Variants in ARHGAP15 observed in about 807,000 individuals in gnomAD.
ARHGAP15 encodes rho GTPase-activating protein 15.
ARHGAP15 carries 51 observed loss-of-function variants against 63.7 expected under a neutral mutation model. The observed-to-expected ratio is 0.80, with a 90% CI of 0.64 to 1.01. The LOEUF (loss-of-function observed/expected upper bound fraction) is 1.01. ARHGAP15 is among the 50% of genes least tolerant of loss of function. The probability of loss-of-function intolerance (pLI) is 0.00; values close to 1 mark genes in which losing one functional copy is unlikely to be tolerated. For synonymous variants in ARHGAP15, 191 were observed against 193.8 expected, an observed-to-expected ratio of 0.99 and a Z score of 0.12; for missense variants, 560 against 564.6, an observed-to-expected ratio of 0.99 and a Z score of 0.08.
chr2:143,335,762 T>C (rs12691674), intron 6 of ARHGAP15, among the ~76,000 whole-genome samples: 19,953 of 151,970 alleles, frequency 0.13, 1,674 homozygotes, highest in Non-Finnish European at 0.17. Context: ...CATAGGTGCA[T>C]GTGGTAGGAG....
chr2:143,215,147 G>C (rs1677142296), intron 3 of ARHGAP15, among the ~76,000 whole-genome samples: 1 of 152,168 alleles, frequency 6.6e-6, no homozygotes, highest in African/African-American at 2.4e-5. Context: ...AACATGATCT[G>C]ATATGTGCTG....
At chr2:143,709,573 T>A (rs1460361654) in intron 13 of ARHGAP15, among the ~76,000 whole-genome samples, 1 of 152,022 alleles carries the variant, frequency 6.6e-6, no homozygotes, top group African/African-American at 2.4e-5. Context: ...AATAGACAAA[T>A]CTCATGGACT....
chr2:143,672,570 C>T (rs554586119), intron 12 of ARHGAP15, among the ~76,000 whole-genome samples: 4 of 152,064 alleles, frequency 2.6e-5, no homozygotes, highest in Non-Finnish European at 5.9e-5. Flanking sequence ...TAAACTGGTT[C>T]AATTTAATAA....
intron 11 of ARHGAP15, among the ~76,000 whole-genome samples, chr2:143,592,108 C>T (rs1559068894): frequency 2.6e-5 from 4 of 152,022 alleles, no homozygotes; most frequent in Admixed American, 1.3e-4. Flanking sequence ...CAGTAATTCC[C>T]TCATTTTTTT....
rs548309221 is a variant in ARHGAP15, at chr2:143,253,517, A to G, written c.474+2917A>G. 3.6e-4 allele frequency among the ~76,000 whole-genome samples: 55 copies of G among 152,238 alleles called. 1 individual carries two copies. In the South Asian group the frequency reaches 0.011, roughly 29 times the overall value. ...TATTTGATTGCTATGTGGAAACATA[A>G]CAATGACAACATTAATTATTAAGTT... On this transcript the variant is annotated intron_variant, in intron 6 of 13. Transcript: ENST00000295095.
At chr2:143,147,913 T>G (rs1243071657) in intron 1 of ARHGAP15, among the ~76,000 whole-genome samples, 1 of 152,108 alleles carries the variant, frequency 6.6e-6, no homozygotes, top group East Asian at 1.9e-4. Context: ...ATTTATTTTG[T>G]GGCCTCAGGG....
chr2:143,487,878 T>C (rs1215433670), intron 9 of ARHGAP15, among the ~76,000 whole-genome samples: 1 of 152,170 alleles, frequency 6.6e-6, no homozygotes, highest in African/African-American at 2.4e-5. Flanking sequence ...CTTTTCACTA[T>C]CAGAAATGTC....
intron 5 of ARHGAP15, among the ~76,000 whole-genome samples, chr2:143,244,459 G>A (rs1693971916): frequency 6.6e-6 from 1 of 152,170 alleles, no homozygotes; most frequent in African/African-American, 2.4e-5. Context: ...ACGGCAGATG[G>A]TAGGCAAGCA....
intron 13 of ARHGAP15, among the ~76,000 whole-genome samples, chr2:143,766,311 G>A (rs1476007124): frequency 2.0e-5 from 3 of 152,128 alleles, no homozygotes; most frequent in South Asian, 2.1e-4. Context: ...CAACCAGGAC[G>A]TAACTCCTCC....
intron 13 of ARHGAP15, among the ~76,000 whole-genome samples, chr2:143,742,211 G>A (rs1414275929): frequency 6.6e-6 from 1 of 152,208 alleles, no homozygotes; most frequent in Non-Finnish European, 1.5e-5. Flanking sequence ...AGCTAGGAAG[G>A]TAGACAACAA....
intron 1 of ARHGAP15, among the ~76,000 whole-genome samples, chr2:143,151,314 G>C (rs556481975): frequency 1.3e-5 from 2 of 152,060 alleles, no homozygotes; most frequent in Admixed American, 1.3e-4. Context: ...GCATCATACA[G>C]CTCTAGGAGG....
intron 6 of ARHGAP15, among the ~76,000 whole-genome samples, chr2:143,252,112 T>C (rs1347013695): frequency 2.6e-5 from 4 of 152,074 alleles, no homozygotes; most frequent in East Asian, 1.9e-4. Context: ...TCTTGGACAA[T>C]AGCAATTCTT....
intron 6 of ARHGAP15, among the ~76,000 whole-genome samples, chr2:143,251,858 C>A (rs1028033656): frequency 6.6e-6 from 1 of 151,984 alleles, no homozygotes; most frequent in African/African-American, 2.4e-5. Context: ...AATAAACTTT[C>A]TTTCAAAGGG....
chr2:143,230,091 T>C (rs941981778), intron 5 of ARHGAP15, among the ~76,000 whole-genome samples: 1 of 152,100 alleles, frequency 6.6e-6, no homozygotes, highest in Non-Finnish European at 1.5e-5. Context: ...ACAACTACCA[T>C]CCACTTGCAG....
chr2:143,216,680 A>G (rs1254608670), intron 4 of ARHGAP15, among the ~76,000 whole-genome samples: 2 of 152,168 alleles, frequency 1.3e-5, no homozygotes, highest in Non-Finnish European at 2.9e-5. Flanking sequence ...TCCTCCTTGG[A>G]CTTGAACTCA....
chr2:143,425,244 C>T (rs529348706), intron 6 of ARHGAP15, among the ~76,000 whole-genome samples: 2 of 152,064 alleles, frequency 1.3e-5, no homozygotes, highest in East Asian at 1.9e-4. Flanking sequence ...TGGCCTGTTG[C>T]TCAATTGACA....
At chr2:143,255,102 A>C (rs1680353579) in intron 6 of ARHGAP15, among the ~76,000 whole-genome samples, 2 of 152,224 alleles carry the variant, frequency 1.3e-5, no homozygotes, top group South Asian at 4.1e-4. Flanking sequence ...CTTTAAAATA[A>C]AGTTTTTAAA....
chr2:143,513,834 T>C (rs1164904030), intron 9 of ARHGAP15, among the ~76,000 whole-genome samples: 1 of 152,208 alleles, frequency 6.6e-6, no homozygotes, highest in Non-Finnish European at 1.5e-5. Context: ...TCACTCCTTC[T>C]TGCCATGACA....
At chr2:143,306,345 C>G (rs1345430448) in intron 6 of ARHGAP15, among the ~76,000 whole-genome samples, 1 of 152,066 alleles carries the variant, frequency 6.6e-6, no homozygotes. Flanking sequence ...AGAGTAAACA[C>G]TGTAGTGTGT....
Sources: allele counts gnomAD v4.1 joint callset (sites outside exome capture counted in the v4.1 genomes callset), GRCh38; gene constraint gnomAD v4.1.1; transcripts MANE v1.5; gene names NCBI Gene and HGNC (gene_info 2026-07-23, HGNC 2026-07-21).